Variants in IGSF11 observed in about 807,000 individuals in gnomAD.
The protein encoded by IGSF11 is immunoglobulin superfamily member 11, also known as CXADR like 1.
Under a neutral mutation model 41.0 loss-of-function variants are expected in IGSF11, and 22 were observed. The observed-to-expected ratio is 0.54, with a 90% CI of 0.38 to 0.77. The LOEUF is 0.77. Ranked by LOEUF, IGSF11 falls within the 30% of genes least tolerant of loss-of-function variation. The pLI is 0.00. For missense variants in IGSF11, 444 were observed against 530.8 expected (o/e 0.84, Z 1.61); for synonymous variants, 219 against 201.3 (o/e 1.09, Z -0.74).
At chr3:119,123,957 A>G (rs2077366473) in intron 1 of IGSF11, among the ~76,000 whole-genome samples, 1 of 152,194 alleles carries the variant, frequency 6.6e-6, no homozygotes, top group Admixed American at 6.5e-5. Context: ...GACGCCAAAG[A>G]ACATCTACAA....
rs200628932 is a variant in IGSF11, at chr3:119,140,652, C to T, written c.-14+5161G>A. Reference sequence around the variant, plus strand: ...ACTTCTAGAGAACATTCCGCCCAACCGCAGCAGAATATACATTCTTTTAAG... The same window carrying T: ...ACTTCTAGAGAACATTCCGCCCAACTGCAGCAGAATATACATTCTTTTAAG... On this transcript the variant is annotated intron_variant, in intron 1 of 7. Transcript: ENST00000425327. Among the ~76,000 whole-genome samples the T allele has an allele frequency of 4.6e-5, 7 of 152,118 alleles. No individual in the cohort carries two copies. In the South Asian group the frequency reaches 6.2e-4, roughly 14 times the overall value.
intron 1 of IGSF11, among the ~76,000 whole-genome samples, chr3:118,978,050 C>A (rs1421212032): frequency 6.6e-6 from 1 of 152,160 alleles, no homozygotes; most frequent in East Asian, 1.9e-4. Context: ...AGCCCACACC[C>A]TCCAGCTGCC....
intron 4 of IGSF11, among the ~76,000 whole-genome samples, chr3:118,909,353 T>A (rs1481653542): frequency 1.3e-5 from 2 of 152,100 alleles, no homozygotes; most frequent in Non-Finnish European, 1.5e-5. Flanking sequence ...ATATGTTACA[T>A]CAAAATTATA....
intron 1 of IGSF11, among the ~76,000 whole-genome samples, chr3:119,112,132 C>G (rs982946296): frequency 3.9e-5 from 6 of 152,338 alleles, no homozygotes; most frequent in Middle Eastern, 3.4e-3. Flanking sequence ...AGCTGTCAGA[C>G]AGGGACATTT....
rs998531581 is a variant in IGSF11, at chr3:118,922,128, C to A, written c.580+3973G>T. Among the ~76,000 whole-genome samples, 20 of 151,894 alleles carry A rather than the reference C, an allele frequency of 1.3e-4. 1 individual carries two copies. The highest frequency in any genetic ancestry group is 1.2e-3 in the East Asian group (6 of 5,176). On this transcript the variant is annotated intron_variant, in intron 4 of 6. Coordinates refer to ENST00000393775, the MANE Select transcript of IGSF11 (RefSeq NM_001015887.3). ...TGGAACAATTTATTTTTAAAAATCA[C>A]AATCAAAAAGACTTTATTCCATAAA...
chr3:119,018,779 T>C (rs1939000356), intron 1 of IGSF11, among the ~76,000 whole-genome samples: 1 of 152,200 alleles, frequency 6.6e-6, no homozygotes. Flanking sequence ...ACATCCAGAC[T>C]GGACACTTGT....
Position 119,127,978 on chromosome 3 carries a change from T to C in IGSF11, c.-14+17835A>G, listed in dbSNP as rs940676297. 2.0e-5 allele frequency among the ~76,000 whole-genome samples: 3 copies of C among 152,074 alleles called. 1 individual carries two copies. Among genetic ancestry groups the C allele is most frequent in the Admixed American group, 2.0e-4 (3 of 15,266 alleles). The stretch of plus-strand genomic sequence containing the variant: ...CCAAAATATAAAAACTAATGACACA[T>C]GAAGAAACTGCATCAACTAGTGTGC... On this transcript the variant is annotated intron_variant, in intron 1 of 7. Transcript: ENST00000425327.
intron 1 of IGSF11, among the ~76,000 whole-genome samples, chr3:118,938,134 A>G (rs916632674): frequency 2.0e-5 from 3 of 152,084 alleles, no homozygotes; most frequent in African/African-American, 7.2e-5. Context: ...CATGGCATAT[A>G]TATTACGTGG....
At chr3:119,097,825 C>T (rs1024291041) in intron 1 of IGSF11, among the ~76,000 whole-genome samples, 1 of 152,038 alleles carries the variant, frequency 6.6e-6, no homozygotes, top group African/African-American at 2.4e-5. Flanking sequence ...AGGTCTTGCT[C>T]TGTCACCCAG....
intron 1 of IGSF11, among the ~76,000 whole-genome samples, chr3:119,028,587 A>T (rs1940051911): frequency 1.3e-5 from 2 of 151,732 alleles, no homozygotes; most frequent in Non-Finnish European, 2.9e-5. Context: ...AGGCTTCAGA[A>T]TTCCTTAGGA....
chr3:118,969,471 C>A (rs570489156), intron 1 of IGSF11, among the ~76,000 whole-genome samples: 30 of 152,124 alleles, frequency 2.0e-4, no homozygotes, highest in Non-Finnish European at 3.4e-4. Context: ...ACAGCGGGAA[C>A]AATGAAGCGG....
At chr3:119,058,332 C>G (rs375292489) in intron 1 of IGSF11, among the ~76,000 whole-genome samples, 5 of 152,050 alleles carry the variant, frequency 3.3e-5, no homozygotes, top group Admixed American at 2.0e-4. Flanking sequence ...CAGACACTTC[C>G]CAAAAGAAGA....
rs1018000865 is a variant in IGSF11 at position 118,904,748 on chromosome 3, C to T, written c.754G>A (p.Val252Ile). ...LIAGAIGTGA[V>I]IIIFCIALIL... The stretch of plus-strand genomic sequence containing the variant: ...AGTGCAATGCAAAAAATGATAATAA[C>T]TGCACCAGTGCCAATGGCTCCAGCT... The change falls in exon 6 of 7, where the codon GTT becomes ATT. Residue 252 changes from valine (V) to isoleucine (I), a missense_variant. Physicochemically the swap from Val to Ile is conservative, Grantham distance 29. Coordinates refer to ENST00000393775, the MANE Select transcript of IGSF11 (RefSeq NM_001015887.3). 2 of 1,613,570 alleles carry T rather than the reference C, an allele frequency of 1.2e-6. No homozygotes were observed. The highest frequency in any genetic ancestry group is 8.5e-7 in the Non-Finnish European group (1 of 1,179,754).
chr3:119,039,294 C>T (rs923720964), upstream of IGSF11, among the ~76,000 whole-genome samples: 14 of 152,200 alleles, frequency 9.2e-5, no homozygotes, highest in East Asian at 3.9e-4. Flanking sequence ...CTGGAGGTTC[C>T]GGGGAGAATC....
intron 1 of IGSF11, among the ~76,000 whole-genome samples, chr3:118,994,469 C>A (rs1487355009): frequency 6.6e-6 from 1 of 152,070 alleles, no homozygotes; most frequent in Non-Finnish European, 1.5e-5. Flanking sequence ...CCAGCTGGGG[C>A]AACATAGTAA....
At chr3:119,137,481 C>G (rs779874301) in intron 1 of IGSF11, among the ~76,000 whole-genome samples, 2 of 152,126 alleles carry the variant, frequency 1.3e-5, no homozygotes, top group Non-Finnish European at 2.9e-5. Flanking sequence ...AGGACAGTCT[C>G]TTCAATAAAT....
chr3:119,139,897 C>A (rs2077618380), intron 1 of IGSF11, among the ~76,000 whole-genome samples: 1 of 152,060 alleles, frequency 6.6e-6, no homozygotes, highest in Non-Finnish European at 1.5e-5. Flanking sequence ...TATACTGGAG[C>A]AAAGTTTTTG....
chr3:119,073,614 C>T (rs755752604), intron 1 of IGSF11, among the ~76,000 whole-genome samples: 3 of 152,164 alleles, frequency 2.0e-5, no homozygotes, highest in Non-Finnish European at 4.4e-5. Context: ...GTGCTGGGGG[C>T]CCGGCGCACG....
In IGSF11 at chr3:119,013,500, G is replaced by A. The variant is rs149468883; in HGVS notation, c.52+21031C>T. Among the ~76,000 whole-genome samples the A allele has an allele frequency of 6.2e-4, 95 of 152,270 alleles. 1 individual carries two copies. Among genetic ancestry groups the A allele is most frequent in the African/African-American group, 2.0e-3 (85 of 41,548 alleles). On this transcript the variant is annotated intron_variant, in intron 1 of 6. Transcript: ENST00000393775. ...GAAGTAATGTCTTCTAGTGGTGGCCGACACTTAGCTCCTAAATAAGTTTCC... is the reference window on the plus strand; with the variant it reads ...GAAGTAATGTCTTCTAGTGGTGGCCAACACTTAGCTCCTAAATAAGTTTCC...
Sources: allele counts gnomAD v4.1 joint callset (sites outside exome capture counted in the v4.1 genomes callset), GRCh38; gene constraint gnomAD v4.1.1; transcripts MANE v1.5; gene names NCBI Gene and HGNC (gene_info 2026-07-23, HGNC 2026-07-21).